The following CCSER1 variants were observed in gnomAD, a reference collection of about 807,000 sequenced individuals.
CCSER1 encodes serine-rich coiled-coil domain-containing protein 1.
Under a neutral mutation model 82.0 loss-of-function variants are expected in CCSER1, and 41 were observed. The observed-to-expected ratio is 0.50, with a 90% confidence interval of 0.39 to 0.65. The LOEUF (loss-of-function observed/expected upper bound fraction) is 0.65. Ranked by LOEUF, CCSER1 falls within the 30% of genes least tolerant of loss-of-function variation. CCSER1 has a pLI of 0.00. For missense variants in CCSER1, 1,119 were observed against 1,064.2 expected, an observed-to-expected ratio of 1.05 and a Z score of -0.72; for synonymous variants, 414 against 383.9, an observed-to-expected ratio of 1.08 and a Z score of -0.92.
chr4:91,531,323 A>T (rs1761018488), intron 10 of CCSER1, among the ~76,000 whole-genome samples: 1 of 152,218 alleles, frequency 6.6e-6, no homozygotes, highest in South Asian at 2.1e-4. Flanking sequence ...TTATGCCTAA[A>T]ATATGCCAAG....
At chr4:90,299,983 G>A (rs774768870) in intron 1 of CCSER1, among the ~76,000 whole-genome samples, 1 of 151,814 alleles carries the variant, frequency 6.6e-6, no homozygotes, top group Non-Finnish European at 1.5e-5. Context: ...TTTTTTTGGG[G>A]ATCTTCTTTT....
At chr4:91,542,706 A>G (rs1761668176) in intron 10 of CCSER1, among the ~76,000 whole-genome samples, 1 of 152,158 alleles carries the variant, frequency 6.6e-6, no homozygotes, top group Admixed American at 6.6e-5. Context: ...TTTGCTGAGG[A>G]GTGCTTTACT....
chr4:90,146,447 T>C (rs1725823867), intron 1 of CCSER1, among the ~76,000 whole-genome samples: 3 of 152,092 alleles, frequency 2.0e-5, no homozygotes, highest in Admixed American at 2.0e-4. Context: ...TGCATATTAA[T>C]GTCTGAATTA....
intron 1 of CCSER1, among the ~76,000 whole-genome samples, chr4:90,266,454 T>C (rs1725243635): frequency 6.6e-6 from 1 of 151,592 alleles, no homozygotes; most frequent in African/African-American, 2.4e-5. Flanking sequence ...GATGACCAAA[T>C]GGAAACCTCC....
intron 9 of CCSER1, among the ~76,000 whole-genome samples, chr4:90,974,879 A>G (rs1478377260): frequency 3.3e-5 from 5 of 151,454 alleles, no homozygotes; most frequent in Admixed American, 2.6e-4. Flanking sequence ...TATACCCAAT[A>G]TATAAAAACT....
chr4:91,014,532 C>T (rs1009726742), intron 9 of CCSER1, among the ~76,000 whole-genome samples: 3 of 134,264 alleles, frequency 2.2e-5, no homozygotes, highest in African/African-American at 7.4e-5. Flanking sequence ...TGTTTTATTA[C>T]CTAATGAATT....
At chr4:90,938,868 CAATTTTTGCATTTGCAA>C (rs1731266193) in intron 9 of CCSER1, 1 of 158,354 alleles carries the variant, frequency 6.3e-6, no homozygotes, top group Non-Finnish European at 1.4e-5. Context: ...AATTACTTCA[CAATTTTTGCATTTGCAA>C]AAATCATATA....
chr4:90,744,921 C>A (rs1288125924), intron 7 of CCSER1, among the ~76,000 whole-genome samples: 1 of 151,078 alleles, frequency 6.6e-6, no homozygotes, highest in African/African-American at 2.4e-5. Context: ...TCTAGACTAT[C>A]GTAAATATGT....
At chr4:91,507,134 C>T (rs1411268638) in intron 10 of CCSER1, among the ~76,000 whole-genome samples, 2 of 151,990 alleles carry the variant, frequency 1.3e-5, no homozygotes, top group Non-Finnish European at 2.9e-5. Context: ...CTTCTTATGT[C>T]TTGGCTATAT....
At chr4:90,798,828 G>T (rs1192837156) in intron 7 of CCSER1, among the ~76,000 whole-genome samples, 2 of 152,134 alleles carry the variant, frequency 1.3e-5, no homozygotes, top group African/African-American at 4.8e-5. Context: ...TGTTCTCTTG[G>T]CTCCTTGATG....
At chr4:91,407,671 G>T (rs2149367696) in intron 10 of CCSER1, among the ~76,000 whole-genome samples, 1 of 152,232 alleles carries the variant, frequency 6.6e-6, no homozygotes, top group South Asian at 2.1e-4. Flanking sequence ...AGGGAAACAG[G>T]AGCAGGCTTC....
Position 91,219,217 on chromosome 4 carries a change from A to C in CCSER1, c.2217+133223A>C, listed in dbSNP as rs141729576. Among the ~76,000 whole-genome samples, 601 of 152,160 alleles carry C rather than the reference A, an allele frequency of 3.9e-3. 2 individuals carry two copies. The highest frequency in any genetic ancestry group is 0.014 in the African/African-American group (593 of 41,530). ...CATTTTCAAATATAATTGTTATAAA[A>C]GCCAGTATGTGTCCAATCTCACAGA... On this transcript the variant is annotated intron_variant, in intron 10 of 10. Coordinates refer to ENST00000509176, the MANE Select transcript of CCSER1 (RefSeq NM_001145065.2).
At chr4:91,294,795 CTAATTACATTGTACAGATCCTAT>C (rs1482581984) in intron 10 of CCSER1, among the ~76,000 whole-genome samples, 1 of 151,846 alleles carries the variant, frequency 6.6e-6, no homozygotes, top group East Asian at 2.0e-4. Flanking sequence ...CATCCTTAGC[CTAATTACATTGTACAGATCCTAT>C]TTTCAAATGA....
At chr4:90,877,050 G>A (rs1047669513) in intron 8 of CCSER1, among the ~76,000 whole-genome samples, 3 of 152,054 alleles carry the variant, frequency 2.0e-5, no homozygotes, top group African/African-American at 2.4e-5. Context: ...TTTATAGTGA[G>A]GGAAACTAAG....
At chr4:91,594,358 C>CAT (rs528035200) in intron 10 of CCSER1, among the ~76,000 whole-genome samples, 94 of 146,946 alleles carry the variant, frequency 6.4e-4, no homozygotes, top group Admixed American at 1.2e-3. Flanking sequence ...TATATATACA[C>CAT]ATATATATAC....
At chr4:91,474,362 T>C (rs552804779) in intron 10 of CCSER1, among the ~76,000 whole-genome samples, 1 of 152,060 alleles carries the variant, frequency 6.6e-6, no homozygotes, top group South Asian at 2.1e-4. Flanking sequence ...ATTTCTTATA[T>C]TGTGTTACAA....
intron 7 of CCSER1, chr4:90,781,076 T>G (rs1330785996): frequency 5.6e-6 from 1 of 177,622 alleles, no homozygotes; most frequent in Non-Finnish European, 1.1e-5. Context: ...AATTTTAAAT[T>G]ACCAGATCTC....
Position 91,223,710 on chromosome 4 carries a change from A to G in CCSER1, c.2217+137716A>G, listed in dbSNP as rs757572168. Among the ~76,000 whole-genome samples the G allele has an allele frequency of 1.8e-4, 28 of 152,208 alleles. 1 individual carries two copies. In the Middle Eastern group the frequency reaches 0.014, roughly 74 times the overall value. ...TTGAGAAGGAAGATTGGAGACACATAATGGATTTATTGAGGATGTCCAAAG... is the reference window on the plus strand; with the variant it reads ...TTGAGAAGGAAGATTGGAGACACATGATGGATTTATTGAGGATGTCCAAAG... On this transcript the variant is annotated intron_variant, in intron 10 of 10. Transcript: ENST00000509176.
rs527683780 is a variant in CCSER1, at chr4:90,144,139, C to A, written c.-42+16308C>A. 3.7e-4 allele frequency among the ~76,000 whole-genome samples: 56 copies of A among 152,104 alleles called. 1 individual carries two copies. Among genetic ancestry groups the A allele is most frequent in the Admixed American group, 5.9e-4 (9 of 15,282 alleles). On this transcript the variant is annotated intron_variant, in intron 1 of 10. Transcript: ENST00000509176. ...AGGTTGTTCCATCTACTGCTTTTTT[C>A]TCTCAAAATTTGGATTTGTTTCTTG...
Sources: allele counts gnomAD v4.1 joint callset (sites outside exome capture counted in the v4.1 genomes callset), GRCh38; gene constraint gnomAD v4.1.1; transcripts MANE v1.5; gene names NCBI Gene and HGNC (gene_info 2026-07-23, HGNC 2026-07-21).